GRIP1: variants seen among roughly 807,000 people sequenced by gnomAD.
The protein encoded by GRIP1 is glutamate receptor-interacting protein 1.
Under a neutral mutation model 129.9 loss-of-function variants are expected in GRIP1, and 45 were observed. The ratio of observed to expected loss-of-function variants is 0.35; its 90% confidence interval spans 0.27 to 0.44. The LOEUF (loss-of-function observed/expected upper bound fraction) is 0.44, where lower values mean the gene tolerates loss of function less well. Ranked by LOEUF, GRIP1 falls within the 20% of genes least tolerant of loss-of-function variation. GRIP1 has a pLI of 1.00. For synonymous variants in GRIP1, 530 were observed against 520.8 expected (o/e 1.02, Z -0.24); for missense variants, 1,196 against 1,396.8 (o/e 0.86, Z 2.29).
chr12:66,479,849 G>A (rs1434834875), intron 7 of GRIP1, among the ~76,000 whole-genome samples: 1 of 151,990 alleles, frequency 6.6e-6, no homozygotes, highest in East Asian at 1.9e-4. Context: ...TGTAGAAAAG[G>A]CCTTCAATAA....
chr12:66,760,742 T>C (rs968999596), intron 1 of GRIP1, among the ~76,000 whole-genome samples: 3 of 152,028 alleles, frequency 2.0e-5, no homozygotes, highest in East Asian at 3.9e-4. Context: ...TAACTGGAGA[T>C]AAAAATGACT....
At chr12:66,380,140 C>G (rs2056037757) in intron 19 of GRIP1, among the ~76,000 whole-genome samples, 1 of 152,020 alleles carries the variant, frequency 6.6e-6, no homozygotes, top group Non-Finnish European at 1.5e-5. Flanking sequence ...GAACTTCTGA[C>G]CTCAGGTGAT....
intron 1 of GRIP1, among the ~76,000 whole-genome samples, chr12:66,720,065 C>A (rs1430947599): frequency 6.6e-6 from 1 of 152,120 alleles, no homozygotes; most frequent in East Asian, 1.9e-4. Flanking sequence ...TAAATGCTGA[C>A]TTATCTAATT....
upstream of GRIP1, chr12:66,679,128 C>T (rs558032574): frequency 2.8e-6 from 4 of 1,446,884 alleles, no homozygotes; most frequent in South Asian, 4.2e-5. Flanking sequence ...CCACAGCCTC[C>T]TCCCCCTTCA....
chr12:66,510,850 A>G (rs1156433828), intron 7 of GRIP1, among the ~76,000 whole-genome samples: 2 of 152,220 alleles, frequency 1.3e-5, no homozygotes, highest in Non-Finnish European at 2.9e-5. Flanking sequence ...AGTATTATTA[A>G]TGAAAGTAAA....
intron 15 of GRIP1, among the ~76,000 whole-genome samples, chr12:66,418,488 C>A (rs1240244089): frequency 6.6e-6 from 1 of 151,928 alleles, no homozygotes; most frequent in African/African-American, 2.4e-5. Flanking sequence ...AAAAAATCAA[C>A]AAAGTGAAGA....
chr12:66,873,590 C>A (rs1003646076), intron 1 of GRIP1, among the ~76,000 whole-genome samples: 1 of 151,974 alleles, frequency 6.6e-6, no homozygotes, highest in Non-Finnish European at 1.5e-5. Flanking sequence ...ATGGAATACT[C>A]ATCTAGAAAA....
intron 1 of GRIP1, among the ~76,000 whole-genome samples, chr12:66,955,164 C>T (rs908604163): frequency 3.3e-5 from 5 of 152,090 alleles, no homozygotes; most frequent in Admixed American, 2.6e-4. Context: ...ATTGTTTCAC[C>T]TATGAGGATA....
Position 67,060,778 on chromosome 12 carries a change from C to T in GRIP1, c.58+8272G>A, listed in dbSNP as rs563897925. Reference sequence around the variant, plus strand: ...GTGGAGGTTGCAGTGAGCCGGGAACCGCACCATTGCACTCCAGCCTGGGCA... The same window carrying T: ...GTGGAGGTTGCAGTGAGCCGGGAACTGCACCATTGCACTCCAGCCTGGGCA... On this transcript the variant is annotated intron_variant, in intron 1 of 1. Transcript: ENST00000643019. Among the ~76,000 whole-genome samples, 9 of 149,654 alleles carry T rather than the reference C, an allele frequency of 6.0e-5. No individual in the cohort carries two copies. In the East Asian group the frequency reaches 1.6e-3, roughly 26 times the overall value.
intron 7 of GRIP1, among the ~76,000 whole-genome samples, chr12:66,467,482 G>T (rs1421775094): frequency 2.0e-5 from 3 of 152,176 alleles, no homozygotes; most frequent in African/African-American, 7.2e-5. Context: ...TTTTCAGTGA[G>T]TGGGCCCCAT....
At chr12:66,479,756 T>C (rs1376409998) in intron 7 of GRIP1, among the ~76,000 whole-genome samples, 1 of 152,240 alleles carries the variant, frequency 6.6e-6, no homozygotes, top group East Asian at 1.9e-4. Flanking sequence ...AATGCAAGGC[T>C]GGTTCAGCAT....
intron 2 of GRIP1, among the ~76,000 whole-genome samples, chr12:66,562,288 C>A (rs2062561495): frequency 6.6e-6 from 1 of 152,138 alleles, no homozygotes; most frequent in Non-Finnish European, 1.5e-5. Flanking sequence ...ACCCTCTGAA[C>A]CAGTGTCACT....
chr12:66,950,142 T>G (rs2041734372), intron 1 of GRIP1, among the ~76,000 whole-genome samples: 1 of 152,170 alleles, frequency 6.6e-6, no homozygotes, highest in Admixed American at 6.5e-5. Context: ...ATCAAATAAT[T>G]ATCAAAAACT....
At chr12:67,068,633 G>A (rs1314625264) in intron 1 of GRIP1, among the ~76,000 whole-genome samples, 1 of 151,988 alleles carries the variant, frequency 6.6e-6, no homozygotes, top group Non-Finnish European at 1.5e-5. Flanking sequence ...GCGGGAGGTG[G>A]AGGAAAGTTT....
chr12:66,818,948 C>A (rs2039272744), intron 1 of GRIP1, among the ~76,000 whole-genome samples: 1 of 152,000 alleles, frequency 6.6e-6, no homozygotes, highest in Admixed American at 6.6e-5. Context: ...AAAAGGTGTC[C>A]CAAAAAATCT....
intron 1 of GRIP1, among the ~76,000 whole-genome samples, chr12:66,851,746 T>C (rs1207409006): frequency 6.6e-6 from 1 of 152,120 alleles, no homozygotes; most frequent in Non-Finnish European, 1.5e-5. Flanking sequence ...AAGCCTCTGA[T>C]AGTGTATGGC....
chr12:66,585,088 A>G (rs2063567462), intron 2 of GRIP1, among the ~76,000 whole-genome samples: 1 of 148,068 alleles, frequency 6.8e-6, no homozygotes, highest in African/African-American at 2.6e-5. Context: ...ATTCAGATAT[A>G]CTTCTTTTTT....
intron 1 of GRIP1, among the ~76,000 whole-genome samples, chr12:66,881,240 T>C (rs746942846): frequency 2.0e-5 from 3 of 152,110 alleles, no homozygotes; most frequent in Non-Finnish European, 4.4e-5. Context: ...GGTGGCAGTG[T>C]AGAGCTTCCT....
chr12:66,560,462 C>T (rs1367453056), intron 2 of GRIP1, among the ~76,000 whole-genome samples: 3 of 151,898 alleles, frequency 2.0e-5, no homozygotes, highest in African/African-American at 7.3e-5. Flanking sequence ...GGAGCTCAAA[C>T]AACTCTATAG....
Sources: gnomAD v4.1 joint callset for allele counts (sites outside exome capture counted in the v4.1 genomes callset) on GRCh38, gnomAD v4.1.1 for gene constraint, MANE v1.5 for transcripts, NCBI Gene and HGNC (gene_info 2026-07-23, HGNC 2026-07-21) for gene names.